Variants in MED12L observed in about 807,000 individuals in gnomAD.
MED12L encodes mediator complex subunit 12L, also known as mediator of RNA polymerase II transcription subunit 12-like protein.
A neutral mutation model predicts 281.3 loss-of-function variants in MED12L; 60 were observed. The observed-to-expected ratio is 0.21, with a 90% CI of 0.17 to 0.26. MED12L has a LOEUF of 0.26. Among genes scored for constraint, MED12L ranks in the 10% least tolerant of loss-of-function variants. The pLI, the probability that MED12L is intolerant of heterozygous loss-of-function variation, is 1.00. For synonymous variants in MED12L, 974 were observed against 987.2 expected, an observed-to-expected ratio of 0.99 and a Z score of 0.25; for missense variants, 2,146 against 2,680.9, an observed-to-expected ratio of 0.80 and a Z score of 4.41.
chr3:151,366,652 C>G (rs576975393), intron 23 of MED12L, among the ~76,000 whole-genome samples: 1 of 152,110 alleles, frequency 6.6e-6, no homozygotes, highest in Admixed American at 6.6e-5. Flanking sequence ...ATCTCTTATG[C>G]ATAGTTCTTT....
intron 16 of MED12L, among the ~76,000 whole-genome samples, chr3:151,330,397 CA>C (rs1436530739): frequency 6.6e-6 from 1 of 152,132 alleles, no homozygotes; most frequent in African/African-American, 2.4e-5. Flanking sequence ...TTTCATCAAT[CA>C]ACATTGGGCC....
chr3:151,429,625 G>C (rs2108475133), intron 43 of MED12L, among the ~76,000 whole-genome samples: 1 of 152,228 alleles, frequency 6.6e-6, no homozygotes, highest in South Asian at 2.1e-4. Context: ...ACAATTTCTT[G>C]CATCAACTTA....
At chr3:151,154,160 T>C (rs1718949754) in intron 5 of MED12L, among the ~76,000 whole-genome samples, 1 of 152,198 alleles carries the variant, frequency 6.6e-6, no homozygotes, top group Non-Finnish European at 1.5e-5. Flanking sequence ...AATTTTTAAT[T>C]GCAGTTTTAC....
At chr3:151,267,883 A>G (rs1190469802) in intron 16 of MED12L, among the ~76,000 whole-genome samples, 2 of 152,218 alleles carry the variant, frequency 1.3e-5, no homozygotes, top group Non-Finnish European at 2.9e-5. Context: ...GTTTGAGAAT[A>G]GCTTTTTAAA....
chr3:151,214,630 CT>C (rs147953409), intron 16 of MED12L, among the ~76,000 whole-genome samples: 1 of 149,266 alleles, frequency 6.7e-6, no homozygotes, highest in African/African-American at 2.5e-5. Context: ...TTCCTTCTTC[CT>C]TTTTTTTGGG....
intron 17 of MED12L, among the ~76,000 whole-genome samples, chr3:151,353,111 A>G (rs190063138): frequency 2.0e-5 from 3 of 152,318 alleles, no homozygotes; most frequent in Admixed American, 2.0e-4. Flanking sequence ...AGATAAATGG[A>G]GTCCATTAAC....
intron 16 of MED12L, among the ~76,000 whole-genome samples, chr3:151,194,218 A>G (rs1231661894): frequency 6.6e-6 from 1 of 152,036 alleles, no homozygotes; most frequent in African/African-American, 2.4e-5. Flanking sequence ...CCGTCCGCCT[A>G]GGCCTCTCAG....
chr3:151,179,850 C>T (rs1303646485), intron 11 of MED12L, among the ~76,000 whole-genome samples: 2 of 152,196 alleles, frequency 1.3e-5, no homozygotes, highest in Non-Finnish European at 2.9e-5. Context: ...TTGCTGAAGA[C>T]ATTCAATCTG....
intron 16 of MED12L, among the ~76,000 whole-genome samples, chr3:151,321,091 T>C (rs1033321950): frequency 1.3e-5 from 2 of 152,190 alleles, no homozygotes; most frequent in African/African-American, 2.4e-5. Flanking sequence ...GGGTGTCTGA[T>C]GCATGGTGGA....
chr3:151,299,321 TTTCTTTCTTTCC>T (rs1193771917), intron 16 of MED12L, among the ~76,000 whole-genome samples: 10 of 151,370 alleles, frequency 6.6e-5, no homozygotes, highest in Non-Finnish European at 8.9e-5. Flanking sequence ...TAGGTCGGTC[TTTCTTTCTTTCC>T]TTCTTTCTTT....
intron 16 of MED12L, among the ~76,000 whole-genome samples, chr3:151,296,846 T>C (rs1383592529): frequency 6.6e-6 from 1 of 152,198 alleles, no homozygotes; most frequent in Non-Finnish European, 1.5e-5. Flanking sequence ...TGTTTTGGAA[T>C]GGTTTTGTTA....
At position 151,250,113 on chromosome 3, in the gene MED12L, G is replaced by A. The variant is rs183449844; in HGVS notation, c.2250+56447G>A. ...TCCAAACTTGTTGGAAATGGTCTGCGTTTGCTGTCTCCACTTTCCCATTCA... is the reference window on the plus strand; with the variant it reads ...TCCAAACTTGTTGGAAATGGTCTGCATTTGCTGTCTCCACTTTCCCATTCA... On this transcript the variant is annotated intron_variant, in intron 16 of 44. Coordinates refer to ENST00000687756, the MANE Select transcript of MED12L (RefSeq NM_001393769.1). Among the ~76,000 whole-genome samples, 15 of 152,190 alleles carry A rather than the reference G, an allele frequency of 9.9e-5. No homozygotes were observed. The East Asian group carries it at 2.7e-3, about 27-fold the overall frequency.
rs1026090452 is a variant in MED12L at position 151,085,759 on chromosome 3, T to C, written c.-307T>C. ...AACGCCGGCGGCGAGCCGGCGTCGCTCGCCGCCCCCAGACAGTGGCAAACT... is the reference window on the plus strand; with the variant it reads ...AACGCCGGCGGCGAGCCGGCGTCGCCCGCCGCCCCCAGACAGTGGCAAACT... On this transcript the variant is annotated 5_prime_UTR_variant, in exon 1 of 45. Coordinates refer to ENST00000687756, the MANE Select transcript of MED12L (RefSeq NM_001393769.1). 6.6e-6 allele frequency: 1 copy of C among 151,892 alleles called. No homozygotes were observed. Among genetic ancestry groups the C allele is most frequent in the Non-Finnish European group, 1.5e-5 (1 of 67,936 alleles). 9.4% of individuals were successfully genotyped at this position (151,892 alleles called of 1,614,324 possible). A position where few individuals can be genotyped will look rare whatever the true frequency, so the allele number is the denominator to read the frequency against.
intron 16 of MED12L, among the ~76,000 whole-genome samples, chr3:151,243,204 C>G (rs2149394453): frequency 6.6e-6 from 1 of 152,050 alleles, no homozygotes; most frequent in Admixed American, 6.5e-5. Flanking sequence ...AGGATATTAT[C>G]CAGGAGAACT....
chr3:151,087,483 T>A (rs1719414116), intron 2 of MED12L, among the ~76,000 whole-genome samples: 1 of 152,234 alleles, frequency 6.6e-6, no homozygotes, highest in Non-Finnish European at 1.5e-5. Flanking sequence ...GCTTTTCAAA[T>A]TTTCCAGTTT....
Position 151,188,473 on chromosome 3 carries a change from C to G in MED12L, c.1746C>G (p.Pro582=). The G allele has an allele frequency of 3.1e-6, 5 of 1,611,304 alleles. No individual in the cohort carries two copies. Among genetic ancestry groups the G allele is most frequent in the Non-Finnish European group, 4.2e-6 (5 of 1,178,564 alleles). ...TAAGGTTTTTAGATACACAGGCCCC[C>G]TCTTTGTGTAAGTAGAGAAAACTCT... ...VLLRFLDTQA[P]SLSDPNSECE... The change falls in exon 13 of 45, where the codon CCC becomes CCG. Residue 582 remains proline, a synonymous_variant. Transcript: ENST00000687756.
At chr3:151,222,891 G>T (rs1729660842) in intron 16 of MED12L, among the ~76,000 whole-genome samples, 1 of 152,024 alleles carries the variant, frequency 6.6e-6, no homozygotes, top group South Asian at 2.1e-4. Context: ...TGAAATCTAG[G>T]ATCTTTGCCC....
At chr3:151,248,282 A>C (rs1193540518) in intron 16 of MED12L, among the ~76,000 whole-genome samples, 1 of 152,174 alleles carries the variant, frequency 6.6e-6, no homozygotes, top group African/African-American at 2.4e-5. Flanking sequence ...CTTTCCTTTG[A>C]AAATAAATTG....
intron 11 of MED12L, among the ~76,000 whole-genome samples, chr3:151,181,806 G>A (rs1450008631): frequency 6.6e-6 from 1 of 151,886 alleles, no homozygotes; most frequent in African/African-American, 2.4e-5. Context: ...GGCTGGTCTT[G>A]AACTCCTAAC....
Sources: gnomAD v4.1 joint callset for allele counts (sites outside exome capture counted in the v4.1 genomes callset) on GRCh38, gnomAD v4.1.1 for gene constraint, MANE v1.5 for transcripts, NCBI Gene and HGNC (gene_info 2026-07-23, HGNC 2026-07-21) for gene names.